Variants in ITGA8 observed in about 807,000 individuals in gnomAD.
The protein encoded by ITGA8 is integrin subunit alpha 8.
In ITGA8, 91 loss-of-function variants were observed where a neutral mutation model predicts 142.3. The observed-to-expected ratio is 0.64, with a 90% CI of 0.54 to 0.76. The LOEUF (loss-of-function observed/expected upper bound fraction) is 0.76, where lower values mean the gene tolerates loss of function less well. Ranked by LOEUF, ITGA8 falls within the 30% of genes least tolerant of loss-of-function variation. The pLI, the probability that ITGA8 is intolerant of heterozygous loss-of-function variation, is 0.00. For missense variants in ITGA8, 1,406 were observed against 1,327.7 expected, an observed-to-expected ratio of 1.06 and a Z score of -0.92; for synonymous variants, 505 against 485.2, an observed-to-expected ratio of 1.04 and a Z score of -0.54.
Position 15,592,220 on chromosome 10 carries a change from C to G in ITGA8, c.2291+5G>C. ...GTCAACGATATAGGCATGTAAAGGT[C>G]TAACCTTCTGATTTGGAGATCGAAG... On this transcript the variant is annotated splice_donor_5th_base_variant and intron_variant, in intron 22 of 29. Coordinates refer to ENST00000378076, the MANE Select transcript of ITGA8 (RefSeq NM_003638.3). 2 of 1,609,364 alleles carry G rather than the reference C, an allele frequency of 1.2e-6. No individual in the cohort carries two copies. The highest frequency in any genetic ancestry group is 8.5e-7 in the Non-Finnish European group (1 of 1,175,898).
chr10:15,655,812 G>A (rs10795314), intron 10 of ITGA8, among the ~76,000 whole-genome samples: 88,435 of 152,038 alleles, frequency 0.58, 26,769 homozygotes, highest in South Asian at 0.76. Flanking sequence ...CAGGCTGGGT[G>A]TGGTGGCTTA....
At chr10:15,565,140 G>C (rs965578817) in intron 25 of ITGA8, among the ~76,000 whole-genome samples, 1 of 152,124 alleles carries the variant, frequency 6.6e-6, no homozygotes, top group Non-Finnish European at 1.5e-5. Flanking sequence ...TTTGATGGTC[G>C]AGAATTGGAT....
At chr10:15,519,218 C>A in intron 29 of ITGA8, 72 bp downstream of exon 29, 1 of 1,559,618 alleles carries the variant, frequency 6.4e-7, no homozygotes, top group Admixed American at 1.9e-5. Flanking sequence ...TTTTAAAATC[C>A]CTAACTGTAT....
At position 15,517,023 on chromosome 10, in the gene ITGA8, GA is replaced by G; in HGVS notation, c.*134del. 4 of 455,156 alleles carry G rather than the reference GA, an allele frequency of 8.8e-6. No homozygotes were observed. Among genetic ancestry groups the G allele is most frequent in the South Asian group, 8.6e-5 (2 of 23,216 alleles). The allele number at this position is 455,156 out of a possible 1,614,324, so 28.2% of individuals were successfully genotyped here. On this transcript the variant is annotated 3_prime_UTR_variant, in exon 30 of 30. Transcript: ENST00000378076. ...CTCCAAAGTGCGGTGTAGATGAGGT[GA>G]TGTTTCCAGGGTCCCCTCCATTTCC...
At chr10:15,644,485 TATATATAGA>T (rs1564389068) in intron 12 of ITGA8, among the ~76,000 whole-genome samples, 1 of 19,892 alleles carries the variant, frequency 5.0e-5, no homozygotes, top group Non-Finnish European at 1.4e-4. Flanking sequence ...TATATATATA[TATATATAGA>T]ATTTTTTTTT....
chr10:15,695,954 T>G (rs987700715), intron 2 of ITGA8, among the ~76,000 whole-genome samples: 2 of 152,210 alleles, frequency 1.3e-5, no homozygotes, highest in African/African-American at 4.8e-5. Flanking sequence ...AGGTAGCAAC[T>G]TTCCAGACTT....
At chr10:15,679,640 A>G (rs1819781022) in intron 4 of ITGA8, among the ~76,000 whole-genome samples, 1 of 152,236 alleles carries the variant, frequency 6.6e-6, no homozygotes, top group Admixed American at 6.5e-5. Context: ...AAATTGGGAA[A>G]TTGCATTTCT....
intron 10 of ITGA8, among the ~76,000 whole-genome samples, chr10:15,657,501 T>TTTTC (rs1227261617): frequency 3.2e-5 from 4 of 124,844 alleles, no homozygotes; most frequent in African/African-American, 8.7e-5. Context: ...TTTCTTTTTC[T>TTTTC]TTTCTTTCAT....
Position 15,684,547 on chromosome 10 carries a change from GT to G in ITGA8, c.445-421del, listed in dbSNP as rs899379045. The stretch of plus-strand genomic sequence containing the variant: ...ATGCCTGGCTAATTTGTTTTGTTTT[GT>G]TTTTTGTAGAGACAGAATCTTATTA... On this transcript the variant is annotated intron_variant, in intron 3 of 29. Coordinates refer to ENST00000378076, the MANE Select transcript of ITGA8 (RefSeq NM_003638.3). Among the ~76,000 whole-genome samples the G allele has an allele frequency of 2.5e-3, 383 of 151,942 alleles. 2 individuals carry two copies. The highest frequency in any genetic ancestry group is 8.8e-3 in the African/African-American group (365 of 41,434).
chr10:15,537,727 G>A (rs577207775), intron 27 of ITGA8, among the ~76,000 whole-genome samples: 22 of 152,238 alleles, frequency 1.4e-4, no homozygotes, highest in African/African-American at 4.8e-4. Context: ...TTGGTAGGAC[G>A]TGATGCTCAA....
chr10:15,544,267 C>T (rs1222750404), intron 27 of ITGA8, among the ~76,000 whole-genome samples: 1 of 151,974 alleles, frequency 6.6e-6, no homozygotes, highest in Non-Finnish European at 1.5e-5. Context: ...CACTTCACTC[C>T]AGCTTGGATG....
chr10:15,660,961 A>T, intron 8 of ITGA8, 39 bp from the exon 9 acceptor site: 1 of 1,398,566 alleles, frequency 7.2e-7, no homozygotes, highest in Non-Finnish European at 1.0e-6. Flanking sequence ...GGAATTACTC[A>T]CACACACAAA....
chr10:15,641,500 T>C (rs549713294), intron 13 of ITGA8, among the ~76,000 whole-genome samples: 25 of 152,308 alleles, frequency 1.6e-4, no homozygotes, highest in African/African-American at 5.8e-4. Flanking sequence ...CTTCTTTGAA[T>C]GGCATTCTTT....
At chr10:15,541,880 G>T (rs1833576083) in intron 27 of ITGA8, among the ~76,000 whole-genome samples, 1 of 150,798 alleles carries the variant, frequency 6.6e-6, no homozygotes, top group Non-Finnish European at 1.5e-5. Context: ...AAGTTTACTT[G>T]CATGGTTCCT....
At chr10:15,598,176 A>G (rs1057019417) in intron 20 of ITGA8, among the ~76,000 whole-genome samples, 1 of 152,118 alleles carries the variant, frequency 6.6e-6, no homozygotes, top group Non-Finnish European at 1.5e-5. Flanking sequence ...CCATCGATAT[A>G]TTATCCATCA....
At chr10:15,689,575 A>G (rs1318217676) in intron 2 of ITGA8, among the ~76,000 whole-genome samples, 1 of 152,168 alleles carries the variant, frequency 6.6e-6, no homozygotes. Flanking sequence ...CCTGCATTTC[A>G]CACAGCAGCA....
At chr10:15,592,129 C>G in intron 22 of ITGA8, 96 bp downstream of exon 22, 3 of 774,736 alleles carry the variant, frequency 3.9e-6, no homozygotes, top group Non-Finnish European at 6.2e-6. Flanking sequence ...TTCAGGTGAG[C>G]TTTTAAGGCC....
At chr10:15,636,620 C>T (rs953051020) in intron 13 of ITGA8, among the ~76,000 whole-genome samples, 1 of 152,138 alleles carries the variant, frequency 6.6e-6, no homozygotes, top group African/African-American at 2.4e-5. Context: ...ATCTTTTACA[C>T]CCACCTCTTC....
intron 2 of ITGA8, among the ~76,000 whole-genome samples, chr10:15,697,559 T>C (rs1835080441): frequency 1.3e-5 from 2 of 152,232 alleles, no homozygotes; most frequent in Non-Finnish European, 2.9e-5. Flanking sequence ...ATAAATGTCT[T>C]AGGCTTTGCA....
Sources: allele counts gnomAD v4.1 joint callset (sites outside exome capture counted in the v4.1 genomes callset), GRCh38; gene constraint gnomAD v4.1.1; transcripts MANE v1.5; gene names NCBI Gene and HGNC (gene_info 2026-07-23, HGNC 2026-07-21).